The following ABCA13 variants were observed in gnomAD, a reference collection of about 807,000 sequenced individuals.
The protein encoded by ABCA13 is ATP binding cassette subfamily A member 13.
Under a neutral mutation model 478.7 loss-of-function variants are expected in ABCA13, and 476 were observed. The ratio of observed to expected loss-of-function variants is 0.99; its 90% CI spans 0.92 to 1.07. The LOEUF is 1.07. Among genes scored for constraint, ABCA13 ranks in the 50% least tolerant of loss-of-function variants. The pLI is 0.00. For synonymous variants in ABCA13, 2,252 were observed against 2,158.9 expected (o/e 1.04, Z -1.20); for missense variants, 6,060 against 5,910.6 (o/e 1.03, Z -0.83).
intron 59 of ABCA13, among the ~76,000 whole-genome samples, chr7:48,637,123 A>G (rs1794699031): frequency 6.6e-6 from 1 of 152,054 alleles, no homozygotes; most frequent in Non-Finnish European, 1.5e-5. Context: ...GCAAAACAGA[A>G]TAGAGAGGGT....
At chr7:48,501,128 G>A (rs1830704985) in intron 48 of ABCA13, among the ~76,000 whole-genome samples, 1 of 152,152 alleles carries the variant, frequency 6.6e-6, no homozygotes, top group African/African-American at 2.4e-5. Flanking sequence ...ACAGGGGCAG[G>A]CTGTTGTCTT....
chr7:48,430,672 TAAAAAA>T (rs36121642), intron 42 of ABCA13, among the ~76,000 whole-genome samples: 1 of 122,840 alleles, frequency 8.1e-6, no homozygotes, highest in African/African-American at 3.1e-5. Context: ...AGACTCCGTC[TAAAAAA>T]AAAAAAAAAA....
chr7:48,393,398 A>G (rs1011688056), intron 38 of ABCA13, among the ~76,000 whole-genome samples: 1 of 152,224 alleles, frequency 6.6e-6, no homozygotes, highest in African/African-American at 2.4e-5. Flanking sequence ...GCAGAACGTC[A>G]ACCATGGCGT....
intron 40 of ABCA13, among the ~76,000 whole-genome samples, chr7:48,411,628 C>T (rs545293578): frequency 4.6e-5 from 7 of 152,026 alleles, no homozygotes; most frequent in South Asian, 2.1e-4. Context: ...TTTTTGACAA[C>T]GATATTACCC....
At chr7:48,178,362 C>T (rs1795166736) in intron 1 of ABCA13, among the ~76,000 whole-genome samples, 1 of 152,120 alleles carries the variant, frequency 6.6e-6, no homozygotes, top group South Asian at 2.1e-4. Flanking sequence ...TGTCCTGCAT[C>T]ATTGCCTGAG....
intron 55 of ABCA13, among the ~76,000 whole-genome samples, chr7:48,567,087 T>G (rs1213897082): frequency 6.6e-6 from 1 of 152,226 alleles, no homozygotes; most frequent in Admixed American, 6.5e-5. Context: ...GAAGATACCC[T>G]GCTCTGAAAG....
intron 35 of ABCA13, among the ~76,000 whole-genome samples, chr7:48,383,053 G>A (rs1052519319): frequency 1.3e-5 from 2 of 152,144 alleles, no homozygotes; most frequent in African/African-American, 2.4e-5. Context: ...CCTGGGAGAT[G>A]AGCCAGCATC....
chr7:48,489,474 C>T (rs1829650821), intron 48 of ABCA13, 130 bp downstream of exon 48: 1 of 724,664 alleles, frequency 1.4e-6, no homozygotes, highest in Non-Finnish European at 2.3e-6. Flanking sequence ...GGCAACCAAT[C>T]CGTGTCTAAA....
chr7:48,547,013 C>G lies in ABCA13; in HGVS notation c.14354+18668C>G, dbSNP rs531103624. On this transcript the variant is annotated intron_variant, in intron 55 of 61. Transcript: ENST00000435803. Reference sequence around the variant, plus strand: ...TAGGAAAACAATGAAAGAAAGTCCTCTCTAATTTTACATCAAAGTGATTTT... The same window carrying G: ...TAGGAAAACAATGAAAGAAAGTCCTGTCTAATTTTACATCAAAGTGATTTT... Among the ~76,000 whole-genome samples the G allele has an allele frequency of 3.8e-4, 58 of 151,860 alleles. 1 individual carries two copies. In the South Asian group the frequency reaches 0.011, roughly 29 times the overall value.
At chr7:48,374,928 G>A (rs779926270) in intron 34 of ABCA13, among the ~76,000 whole-genome samples, 1 of 152,086 alleles carries the variant, frequency 6.6e-6, no homozygotes, top group Non-Finnish European at 1.5e-5. Flanking sequence ...GGTCAGTGGG[G>A]CCATTAGATT....
chr7:48,490,077 T>TTCAA (rs1563342322), intron 48 of ABCA13, among the ~76,000 whole-genome samples: 3 of 152,242 alleles, frequency 2.0e-5, no homozygotes, highest in Non-Finnish European at 4.4e-5. Flanking sequence ...CTCACTTTAT[T>TTCAA]TCAATCATAC....
Position 48,278,606 on chromosome 7 carries a change from C to T in ABCA13, c.7412C>T (p.Thr2471Ile), listed in dbSNP as rs538115436. 8 of 1,613,802 alleles carry T rather than the reference C, an allele frequency of 5.0e-6. No individual in the cohort carries two copies. In the South Asian group the frequency reaches 6.6e-5, roughly 13 times the overall value. Residue 2471 changes from threonine (T) to isoleucine (I), a missense_variant, in exon 18 of 62, where the codon ACA becomes ATA. By Grantham distance (89) the Thr-to-Ile change is moderately conservative (BLOSUM62 -1). Transcript: ENST00000435803. ...TCATTCCCTCTAAGAAACAGAGCAA[C>T]ATTAGAAATTACTAAGAGATTAGTT... is the stretch of plus-strand genomic sequence containing the variant. ...NNSFPLRNRA[T>I]LEITKRLVGA...
chr7:48,359,528 A>G (rs1359316465), intron 31 of ABCA13, among the ~76,000 whole-genome samples: 1 of 151,876 alleles, frequency 6.6e-6, no homozygotes, highest in African/African-American at 2.4e-5. Flanking sequence ...TGGAGGCCAA[A>G]TGCACTGGTC....
intron 7 of ABCA13, among the ~76,000 whole-genome samples, chr7:48,231,310 A>T (rs1789044594): frequency 6.6e-6 from 1 of 152,228 alleles, no homozygotes; most frequent in African/African-American, 2.4e-5. Flanking sequence ...TGCTTCAGGA[A>T]AAACTTCAAG....
intron 29 of ABCA13, among the ~76,000 whole-genome samples, chr7:48,338,961 G>A (rs1422691667): frequency 6.6e-6 from 1 of 152,138 alleles, no homozygotes; most frequent in East Asian, 1.9e-4. Context: ...ATCCATAGAG[G>A]GGCATAAAAT....
At chr7:48,465,238 A>G (rs1381380032) in intron 43 of ABCA13, among the ~76,000 whole-genome samples, 1 of 152,244 alleles carries the variant, frequency 6.6e-6, no homozygotes, top group Non-Finnish European at 1.5e-5. Flanking sequence ...AGAAGAGCTC[A>G]CTAAAGGAAT....
At chr7:48,342,319 A>G (rs1778987199) in intron 29 of ABCA13, among the ~76,000 whole-genome samples, 1 of 152,016 alleles carries the variant, frequency 6.6e-6, no homozygotes, top group Non-Finnish European at 1.5e-5. Context: ...TTGTTCCATC[A>G]GCTCTTAAGA....
intron 55 of ABCA13, among the ~76,000 whole-genome samples, chr7:48,563,819 TGTGTGTGTGTGTG>T (rs1786722735): frequency 1.3e-5 from 2 of 151,470 alleles, no homozygotes; most frequent in African/African-American, 4.9e-5. Flanking sequence ...TGTGTGTGTG[TGTGTGTGTGTGTG>T]TGTGTGTTTT....
chr7:48,245,428 A>G lies in ABCA13; in HGVS notation c.1391-84A>G, dbSNP rs868718053. On this transcript the variant is annotated intron_variant, in intron 11 of 61. Coordinates refer to ENST00000435803, the MANE Select transcript of ABCA13 (RefSeq NM_152701.5). Reference sequence around the variant, plus strand: ...TTTTTAAAAAATCCATGTTTTCAGGATCCAGTTTATTGATTCATGGCCATG... The same window carrying G: ...TTTTTAAAAAATCCATGTTTTCAGGGTCCAGTTTATTGATTCATGGCCATG... 76 of 1,016,160 alleles carry G rather than the reference A, an allele frequency of 7.5e-5. No homozygotes were observed. The Middle Eastern group carries it at 1.3e-3, about 17-fold the overall frequency. The allele number at this position is 1,016,160 out of a possible 1,614,324, so 62.9% of individuals were successfully genotyped here.
Sources: allele counts gnomAD v4.1 joint callset (sites outside exome capture counted in the v4.1 genomes callset), GRCh38; gene constraint gnomAD v4.1.1; transcripts MANE v1.5; gene names NCBI Gene and HGNC (gene_info 2026-07-23, HGNC 2026-07-21).